The following YBX3 variants were observed in gnomAD, a reference collection of about 807,000 sequenced individuals.
The protein encoded by YBX3 is Y-box-binding protein 3.
In YBX3, 29 loss-of-function variants were observed where a neutral mutation model predicts 42.4. The ratio of observed to expected loss-of-function variants is 0.68; its 90% CI spans 0.51 to 0.93. The LOEUF (loss-of-function observed/expected upper bound fraction) is 0.93, where lower values mean the gene tolerates loss of function less well. Among genes scored for constraint, YBX3 ranks in the 40% least tolerant of loss-of-function variants. YBX3 has a pLI of 0.00. For missense variants in YBX3, 517 were observed against 527.5 expected, an observed-to-expected ratio of 0.98 and a Z score of 0.19; for synonymous variants, 195 against 189.8, an observed-to-expected ratio of 1.03 and a Z score of -0.22.
intron 5 of YBX3, chr12:10,710,357 T>C (rs1242302162): frequency 1.4e-6 from 2 of 1,410,368 alleles, no homozygotes; most frequent in African/African-American, 2.9e-5. Context: ...GCAATCAATC[T>C]ACAATCAATT....
At chr12:10,702,239 G>T in intron 7 of YBX3, 105 bp from the exon 8 acceptor site, 1 of 1,198,278 alleles carries the variant, frequency 8.3e-7, no homozygotes, top group Non-Finnish European at 1.1e-6. Context: ...AAGTGATCAG[G>T]GCCAGGCATG....
chr12:10,712,394 C>T (rs1321667829), intron 5 of YBX3: 1 of 152,266 alleles, frequency 6.6e-6, no homozygotes, highest in Non-Finnish European at 1.5e-5. Context: ...CAAGAAAGCT[C>T]CAGCCAGATT....
intron 9 of YBX3, 93 bp downstream of exon 9, chr12:10,701,161 A>G: frequency 1.5e-6 from 1 of 681,338 alleles, no homozygotes; most frequent in Non-Finnish European, 2.7e-6. Flanking sequence ...GATGAACTGC[A>G]GAACTAGTTT....
chr12:10,718,559 A>C (rs953198464), intron 2 of YBX3: 1 of 178,842 alleles, frequency 5.6e-6, no homozygotes, highest in South Asian at 1.5e-4. Context: ...GAGGACTTTA[A>C]GAAGGGGTGG....
At chr12:10,700,134 T>C (rs968660889) in intron 9 of YBX3, among the ~76,000 whole-genome samples, 1 of 152,186 alleles carries the variant, frequency 6.6e-6, no homozygotes, top group African/African-American at 2.4e-5. Context: ...TATGTTACTC[T>C]GAATCAGCTA....
chr12:10,702,195 TAAGG>T, intron 7 of YBX3, 61 bp from the exon 8 acceptor site: 1 of 1,502,548 alleles, frequency 6.7e-7, no homozygotes, highest in Non-Finnish European at 8.9e-7. Flanking sequence ...CTCCAGAAAA[TAAGG>T]TTTTATTTAT....
At chr12:10,705,091 GT>G (rs549549454) in intron 6 of YBX3, among the ~76,000 whole-genome samples, 170 of 151,950 alleles carry the variant, frequency 1.1e-3, no homozygotes, top group African/African-American at 4.0e-3. Context: ...GTTTGGAGCA[GT>G]TTTTTTTAAT....
intron 6 of YBX3, among the ~76,000 whole-genome samples, chr12:10,708,997 T>A (rs1387746514): frequency 6.6e-6 from 1 of 152,140 alleles, no homozygotes; most frequent in East Asian, 1.9e-4. Context: ...ATGTACCCAA[T>A]CTCTCCATAT....
chr12:10,715,841 C>T, intron 3 of YBX3, 58 bp from the exon 4 acceptor site: 1 of 1,422,930 alleles, frequency 7.0e-7, no homozygotes, highest in Non-Finnish European at 9.9e-7. Context: ...CCACAGATTT[C>T]ACTGCTTTCA....
chr12:10,700,376 C>T (rs1356038691), intron 9 of YBX3, among the ~76,000 whole-genome samples: 1 of 152,016 alleles, frequency 6.6e-6, no homozygotes, highest in East Asian at 1.9e-4. Flanking sequence ...ACTGAGTTTA[C>T]AACCTCTCTC....
rs181216915 is a variant in YBX3, at chr12:10,721,286, G to A, written c.262+1564C>T. On this transcript the variant is annotated intron_variant, in intron 1 of 9. Coordinates refer to ENST00000228251, the MANE Select transcript of YBX3 (RefSeq NM_003651.5). ...TCACCAGGGATCTGCAGAGGCAGTT[G>A]CTTGAGGAAATTAACCTTCATTTAT... Among the ~76,000 whole-genome samples the A allele has an allele frequency of 6.0e-4, 92 of 152,330 alleles. 1 individual carries two copies. The East Asian group carries it at 0.017, about 28-fold the overall frequency.
intron 7 of YBX3, chr12:10,703,546 T>C (rs1352424473): frequency 1.4e-5 from 6 of 437,674 alleles, no homozygotes; most frequent in African/African-American, 8.1e-5. Context: ...CTATAGAATA[T>C]CTCTTTGTTT....
rs138617022 is a variant in YBX3 at position 10,713,888 on chromosome 12, A to G, written c.451-555T>C. On this transcript the variant is annotated intron_variant, in intron 4 of 9. Transcript: ENST00000228251. Reference sequence around the variant, plus strand: ...ATGTAGTCCTTCTTTAGCCTTTCCTATTATCCTTGAAACAGATTTAGAATT... The same window carrying G: ...ATGTAGTCCTTCTTTAGCCTTTCCTGTTATCCTTGAAACAGATTTAGAATT... 2.0e-5 allele frequency among the ~76,000 whole-genome samples: 3 copies of G among 152,322 alleles called. No individual in the cohort carries two copies. In the East Asian group the frequency reaches 5.8e-4, roughly 29 times the overall value.
chr12:10,712,104 G>A (rs1408214674), intron 5 of YBX3: 2 of 152,184 alleles, frequency 1.3e-5, no homozygotes, highest in Admixed American at 1.3e-4. Context: ...GAATAAGGAG[G>A]AAAAGCATTT....
intron 6 of YBX3, among the ~76,000 whole-genome samples, chr12:10,704,753 T>G (rs1948118952): frequency 6.6e-6 from 1 of 152,198 alleles, no homozygotes; most frequent in Admixed American, 6.5e-5. Context: ...TACATTAGAA[T>G]TTTCTTCTCT....
chr12:10,715,650 A>C (rs1257470588), intron 4 of YBX3, 44 bp downstream of exon 4: 1 of 1,497,974 alleles, frequency 6.7e-7, no homozygotes, highest in Non-Finnish European at 9.3e-7. Flanking sequence ...GTGCAACAGT[A>C]CTATGTGCCA....
chr12:10,700,301 G>A (rs1158117029), intron 9 of YBX3, among the ~76,000 whole-genome samples: 1 of 152,004 alleles, frequency 6.6e-6, no homozygotes, highest in Non-Finnish European at 1.5e-5. Context: ...TAAGACACAA[G>A]AACTTATAAT....
intron 6 of YBX3, among the ~76,000 whole-genome samples, chr12:10,709,117 T>C (rs918299681): frequency 6.6e-6 from 1 of 151,924 alleles, no homozygotes. Context: ...AGGAGAAGGG[T>C]AGCAAAGAAC....
chr12:10,722,523 C>T (rs1201444972), intron 1 of YBX3: 1 of 200,734 alleles, frequency 5.0e-6, no homozygotes, highest in Non-Finnish European at 1.0e-5. Context: ...TCTCCAAACG[C>T]AGGCATTTTC....
Sources: gnomAD v4.1 joint callset for allele counts (sites outside exome capture counted in the v4.1 genomes callset) on GRCh38, gnomAD v4.1.1 for gene constraint, MANE v1.5 for transcripts, NCBI Gene and HGNC (gene_info 2026-07-23, HGNC 2026-07-21) for gene names.